Variants in ZDHHC18 observed in about 807,000 individuals in gnomAD.
ZDHHC18 encodes the protein zDHHC palmitoyltransferase 18.
ZDHHC18 carries 23 observed loss-of-function variants against 37.5 expected under a neutral mutation model. The observed-to-expected ratio is 0.61, with a 90% confidence interval of 0.44 to 0.87. The LOEUF is 0.87. Ranked by LOEUF, ZDHHC18 falls within the 40% of genes least tolerant of loss-of-function variation. The probability of loss-of-function intolerance (pLI) is 0.00; values close to 1 mark genes in which losing one functional copy is unlikely to be tolerated. For synonymous variants in ZDHHC18, 185 were observed against 218.7 expected, an observed-to-expected ratio of 0.85 and a Z score of 1.36; for missense variants, 406 against 525.6, an observed-to-expected ratio of 0.77 and a Z score of 2.22.
chr1:26,842,612 G>T (rs1311528506), intron 2 of ZDHHC18, among the ~76,000 whole-genome samples: 2 of 152,262 alleles, frequency 1.3e-5, no homozygotes, highest in Non-Finnish European at 2.9e-5. Flanking sequence ...CCAGGGTTCA[G>T]AGTGTGGCCA....
Position 26,853,885 on chromosome 1 carries a change from C to A in ZDHHC18, c.*42C>A. ...GCCACCTGCTGGCCTGTCTGACCCT[C>A]CGCACTCACCTGCCGGGACCCTCCC... On this transcript the variant is annotated 3_prime_UTR_variant, in exon 8 of 8. Transcript: ENST00000374142. 6.4e-7 allele frequency: 1 copy of A among 1,555,078 alleles called. No homozygotes were observed. Among genetic ancestry groups the A allele is most frequent in the Non-Finnish European group, 8.8e-7 (1 of 1,130,416 alleles).
chr1:26,833,895 C>T (rs1028880245), intron 2 of ZDHHC18, among the ~76,000 whole-genome samples: 5 of 152,240 alleles, frequency 3.3e-5, no homozygotes, highest in African/African-American at 1.2e-4. Flanking sequence ...GGAGGGAGGG[C>T]GAGCAGCTGG....
intron 2 of ZDHHC18, among the ~76,000 whole-genome samples, chr1:26,838,041 G>T (rs528919475): frequency 6.6e-6 from 1 of 151,474 alleles, no homozygotes; most frequent in African/African-American, 2.4e-5. Flanking sequence ...TTGTTGCCCA[G>T]GCTGGAGTGC....
intron 2 of ZDHHC18, among the ~76,000 whole-genome samples, chr1:26,846,328 T>A (rs1457036096): frequency 1.1e-4 from 10 of 89,282 alleles, no homozygotes; most frequent in East Asian, 3.3e-4. Context: ...TTTTTTTTTT[T>A]TTTTTTTTTT....
intron 2 of ZDHHC18, among the ~76,000 whole-genome samples, chr1:26,839,646 C>T (rs549972886): frequency 2.6e-5 from 4 of 152,278 alleles, no homozygotes; most frequent in African/African-American, 9.6e-5. Context: ...CTTGCCTAGC[C>T]CAGAGCAGTC....
chr1:26,841,878 G>T (rs991770242), intron 2 of ZDHHC18, among the ~76,000 whole-genome samples: 1 of 152,116 alleles, frequency 6.6e-6, no homozygotes, highest in East Asian at 1.9e-4. Flanking sequence ...GCTCACGCCT[G>T]TAATCCCAGC....
chr1:26,851,281 G>A (rs768723422), intron 6 of ZDHHC18, 50 bp downstream of exon 6: 5 of 1,575,724 alleles, frequency 3.2e-6, no homozygotes. Context: ...CCCTCAGGAG[G>A]AGGCAGGGCT....
intron 6 of ZDHHC18, 82 bp from the exon 7 acceptor site, chr1:26,852,671 G>C: frequency 8.1e-7 from 1 of 1,231,058 alleles, no homozygotes; most frequent in East Asian, 2.3e-5. Context: ...GAATTGTCCA[G>C]TTGTCCCCAG....
chr1:26,827,557 A>AC (rs1056811231), intron 1 of ZDHHC18, among the ~76,000 whole-genome samples: 1 of 149,982 alleles, frequency 6.7e-6, no homozygotes, highest in African/African-American at 2.5e-5. Flanking sequence ...TCTCTTGCCA[A>AC]CCCCCCAAGT....
At chr1:26,840,733 T>C (rs1272845865) in intron 2 of ZDHHC18, among the ~76,000 whole-genome samples, 1 of 149,850 alleles carries the variant, frequency 6.7e-6, no homozygotes, top group Admixed American at 6.7e-5. Flanking sequence ...TGAGCCATCA[T>C]GTCCAGCCTA....
intron 2 of ZDHHC18, among the ~76,000 whole-genome samples, chr1:26,846,945 G>A (rs1262347983): frequency 6.6e-6 from 1 of 151,606 alleles, no homozygotes; most frequent in Non-Finnish European, 1.5e-5. Context: ...GCCCAGGCTG[G>A]AGTGCAGTGG....
chr1:26,852,660 G>A (rs996506646), intron 6 of ZDHHC18, 93 bp from the exon 7 acceptor site: 12 of 1,074,708 alleles, frequency 1.1e-5, no homozygotes, highest in African/African-American at 7.9e-5. Context: ...AATTGGTTTC[G>A]GAATTGTCCA....
intron 2 of ZDHHC18, among the ~76,000 whole-genome samples, 173 bp from the exon 3 acceptor site, chr1:26,848,435 C>T (rs1033208025): frequency 6.6e-6 from 1 of 152,146 alleles, no homozygotes; most frequent in African/African-American, 2.4e-5. Flanking sequence ...GTGGCAGTTC[C>T]TAATATTTGT....
intron 2 of ZDHHC18, among the ~76,000 whole-genome samples, chr1:26,842,686 T>C (rs2081644943): frequency 6.6e-6 from 1 of 152,364 alleles, no homozygotes; most frequent in South Asian, 2.1e-4. Context: ...GCTCAGATGC[T>C]TAGTTCCATT....
intron 2 of ZDHHC18, among the ~76,000 whole-genome samples, chr1:26,845,011 C>T (rs557370256): frequency 6.6e-6 from 1 of 151,532 alleles, no homozygotes; most frequent in Non-Finnish European, 1.5e-5. Flanking sequence ...ATCTCCGCCT[C>T]CTGAGTTCAA....
In ZDHHC18 at chr1:26,832,077, GTGAA is replaced by G. The variant is rs1367033880; in HGVS notation, c.336-362_336-359del. ...CAGTAAATATTTGTGGACTGAGTGA[GTGAA>G]TGAATGAGTGAATGAACACTGCAGG... On this transcript the variant is annotated intron_variant, in intron 1 of 7. Transcript: ENST00000374142. 52 of 179,120 alleles carry G rather than the reference GTGAA, an allele frequency of 2.9e-4. No homozygotes were observed. The South Asian group carries it at 7.2e-3, about 25-fold the overall frequency. The allele number at this position is 179,120 out of a possible 1,614,324, so 11.1% of individuals were successfully genotyped here.
In ZDHHC18 at chr1:26,848,640, C is replaced by A. The variant is rs534448087; in HGVS notation, c.529C>A (p.Pro177Thr). Residue 177 changes from proline (P) to threonine (T), a missense_variant, in exon 3 of 8, where the codon CCT becomes ACT. By Grantham distance (38) the Pro-to-Thr change is conservative (BLOSUM62 -1). Coordinates refer to ENST00000374142, the MANE Select transcript of ZDHHC18 (RefSeq NM_032283.3). ...AGGCAGTTCTACATACCGGCCACCC[C>A]CTCGGACCCGGGAGGTGCTGATCAA... Reference protein sequence around the residue: ...NTGSSTYRPPPRTREVLINGQ... With the variant: ...NTGSSTYRPPTRTREVLINGQ... 2.5e-6 allele frequency: 4 copies of A among 1,613,960 alleles called. No individual in the cohort carries two copies. In the South Asian group the frequency reaches 3.3e-5, roughly 13 times the overall value.
At chr1:26,848,805 T>C (rs2081686817) in intron 3 of ZDHHC18, 48 bp downstream of exon 3, 1 of 1,589,096 alleles carries the variant, frequency 6.3e-7, no homozygotes, top group African/African-American at 1.3e-5. Context: ...TGAGAGAGAC[T>C]GAGTCGTGGG....
At chr1:26,852,886 A>G (rs764465094) in intron 7 of ZDHHC18, 21 bp downstream of exon 7, 1 of 1,610,886 alleles carries the variant, frequency 6.2e-7, no homozygotes, top group South Asian at 1.1e-5. Flanking sequence ...GGGGTGCGGA[A>G]GAGGGGTAAC....
Sources: allele counts gnomAD v4.1 joint callset (sites outside exome capture counted in the v4.1 genomes callset), GRCh38; gene constraint gnomAD v4.1.1; transcripts MANE v1.5; gene names NCBI Gene and HGNC (gene_info 2026-07-23, HGNC 2026-07-21).